The following P2RY6 variants were observed in gnomAD, a reference collection of about 807,000 sequenced individuals.
P2RY6 encodes P2Y purinoceptor 6.
In P2RY6, 19 loss-of-function variants were observed where a neutral mutation model predicts 16.3. The observed-to-expected ratio is 1.16, with a 90% confidence interval of 0.81 to 1.71. The LOEUF is 1.71. P2RY6 is among the 40% of genes most tolerant of loss of function. The pLI is 0.00. For missense variants in P2RY6, 389 were observed against 455.5 expected (o/e 0.85, Z 1.33); for synonymous variants, 184 against 201.5 (o/e 0.91, Z 0.74).
intron 1 of P2RY6, among the ~76,000 whole-genome samples, chr11:73,289,684 C>T (rs1864118585): frequency 6.6e-6 from 1 of 152,182 alleles, no homozygotes; most frequent in South Asian, 2.1e-4. Flanking sequence ...GCAGGGAAGA[C>T]CTAACTCCCC....
chr11:73,271,863 A>G (rs545962547), upstream of P2RY6: 1 of 152,122 alleles, frequency 6.6e-6, no homozygotes, highest in South Asian at 2.1e-4. Context: ...TTGGAGCCAC[A>G]GATAACAGAG....
upstream of P2RY6, among the ~76,000 whole-genome samples, chr11:73,268,829 AG>A (rs1863189511): frequency 6.6e-6 from 1 of 152,226 alleles, no homozygotes; most frequent in Admixed American, 6.5e-5. Flanking sequence ...GGGAGCAGCA[AG>A]GGGCCAATGG....
chr11:73,265,337 G>C (rs1401084975), intron 1 of P2RY6: 1 of 152,198 alleles, frequency 6.6e-6, no homozygotes, highest in Admixed American at 6.5e-5. Flanking sequence ...TACAAGAGAA[G>C]CTGCTCCGAA....
chr11:73,281,646 G>A (rs916983983), intron 1 of P2RY6, among the ~76,000 whole-genome samples: 4 of 152,190 alleles, frequency 2.6e-5, no homozygotes, highest in Non-Finnish European at 4.4e-5. Context: ...GAGTGTCCTC[G>A]GGAACTGTGA....
At chr11:73,281,135 A>G (rs1382592648) in intron 1 of P2RY6, among the ~76,000 whole-genome samples, 1 of 152,206 alleles carries the variant, frequency 6.6e-6, no homozygotes, top group Non-Finnish European at 1.5e-5. Flanking sequence ...AGTCCTGCCC[A>G]TCTGGCCTCT....
intron 1 of P2RY6, among the ~76,000 whole-genome samples, chr11:73,291,805 A>G (rs1864261223): frequency 6.6e-6 from 1 of 151,940 alleles, no homozygotes; most frequent in Non-Finnish European, 1.5e-5. Context: ...CAGTATGACC[A>G]TATTCTACCG....
At chr11:73,272,248 G>A (rs559498386), upstream of P2RY6, 5 of 659,626 alleles carry the variant, frequency 7.6e-6, no homozygotes, top group Non-Finnish European at 9.4e-6. Context: ...CTCGGGATTC[G>A]AGTCCTGGCC....
At chr11:73,267,215 G>A (rs190506175) in intron 1 of P2RY6, among the ~76,000 whole-genome samples, 23 of 152,306 alleles carry the variant, frequency 1.5e-4, no homozygotes, top group Non-Finnish European at 2.5e-4. Context: ...AACTCCCAAG[G>A]AAGAGGTTAC....
chr11:73,276,307 A>G (rs983199409), intron 1 of P2RY6, among the ~76,000 whole-genome samples: 1 of 152,258 alleles, frequency 6.6e-6, no homozygotes, highest in African/African-American at 2.4e-5. Context: ...TTTGGAGTGC[A>G]GTTAGGCAGC....
In P2RY6 at chr11:73,276,234, G is replaced by A. The variant is rs147398846; in HGVS notation, c.-121+3768G>A. On this transcript the variant is annotated intron_variant, in intron 1 of 2. Transcript: ENST00000540124. ...AAGACAGACAATAACAAGTGTTGCC[G>A]AGGATGTGAAGAAATTGGAAATCTC... Among the ~76,000 whole-genome samples, 373 of 152,352 alleles carry A rather than the reference G, an allele frequency of 2.4e-3. 3 individuals carry two copies. Among genetic ancestry groups the A allele is most frequent in the Middle Eastern group, 0.01 (3 of 294 alleles).
intron 1 of P2RY6, among the ~76,000 whole-genome samples, chr11:73,281,579 C>T (rs1863764735): frequency 6.6e-6 from 1 of 152,206 alleles, no homozygotes; most frequent in Non-Finnish European, 1.5e-5. Context: ...GTGCTGGGCA[C>T]AAGGGCCAAG....
chr11:73,282,470 AC>A (rs1453699783), intron 1 of P2RY6, among the ~76,000 whole-genome samples: 1 of 152,126 alleles, frequency 6.6e-6, no homozygotes, highest in African/African-American at 2.4e-5. Context: ...GCCCCTCAGC[AC>A]CTGCAAACAC....
At chr11:73,292,071 A>G (rs11604291) in intron 1 of P2RY6, among the ~76,000 whole-genome samples, 4,125 of 152,332 alleles carry the variant, frequency 0.027, 127 homozygotes, top group Non-Finnish European at 0.035. Context: ...GTCTCCTAAC[A>G]GCTCTGAGGC....
At chr11:73,277,534 T>G (rs1863588393) in intron 1 of P2RY6, among the ~76,000 whole-genome samples, 2 of 152,250 alleles carry the variant, frequency 1.3e-5, no homozygotes, top group South Asian at 4.1e-4. Flanking sequence ...GACGCAAGAC[T>G]TCTGGTTAAA....
intron 1 of P2RY6, among the ~76,000 whole-genome samples, chr11:73,288,566 C>T (rs7949621): frequency 0.015 from 2,326 of 152,302 alleles, 73 homozygotes; most frequent in African/African-American, 0.052. Context: ...ACTCTGCTTC[C>T]GGCCCTCTGT....
chr11:73,281,954 T>C (rs1055962102), intron 1 of P2RY6, among the ~76,000 whole-genome samples: 1 of 152,206 alleles, frequency 6.6e-6, no homozygotes, highest in African/African-American at 2.4e-5. Flanking sequence ...TTGCTGCCCC[T>C]GGCTGGAGCA....
chr11:73,271,944 T>C (rs1863330049), upstream of P2RY6: 1 of 152,028 alleles, frequency 6.6e-6, no homozygotes, highest in Admixed American at 6.6e-5. Context: ...AGGTTAATGG[T>C]TTCCTGCGGC....
chr11:73,290,557 CATT>C (rs1227603929), intron 1 of P2RY6, among the ~76,000 whole-genome samples: 2 of 152,224 alleles, frequency 1.3e-5, no homozygotes, highest in East Asian at 3.9e-4. Flanking sequence ...AGAGCTCATC[CATT>C]GCTCTGGCTT....
rs151066379 is a variant in P2RY6 at position 73,296,893 on chromosome 11, C to T, written c.375C>T (p.Tyr125=). The T allele has an allele frequency of 2.0e-4, 325 of 1,610,354 alleles. No individual in the cohort carries two copies. The African/African-American group carries it at 3.7e-3, about 18-fold the overall frequency. The part of the protein sequence containing the change: ...LFLTCISFQR[Y]LGICHPLAPW... ...TCACCTGCATCAGCTTCCAGCGCTA[C>T]CTGGGCATCTGCCACCCGCTGGCCC... The change falls in exon 3 of 3, where the codon TAC becomes TAT. Residue 125 remains tyrosine, a synonymous_variant. Transcript: ENST00000540124.
Sources: gnomAD v4.1 joint callset for allele counts (sites outside exome capture counted in the v4.1 genomes callset) on GRCh38, gnomAD v4.1.1 for gene constraint, MANE v1.5 for transcripts, NCBI Gene and HGNC (gene_info 2026-07-23, HGNC 2026-07-21) for gene names.